Variants in ARID1A observed in about 807,000 individuals in gnomAD.
The protein encoded by ARID1A is AT-rich interactive domain-containing protein 1A.
A neutral mutation model predicts 212.6 loss-of-function variants in ARID1A; 20 were observed. The ratio of observed to expected loss-of-function variants is 0.09; its 90% CI spans 0.07 to 0.14. The LOEUF (loss-of-function observed/expected upper bound fraction) is 0.14. ARID1A is among the 10% of genes least tolerant of loss of function. The pLI, the probability that ARID1A is intolerant of heterozygous loss-of-function variation, is 1.00. For missense variants in ARID1A, 2,587 were observed against 3,059.0 expected (o/e 0.85, Z 3.64); for synonymous variants, 1,376 against 1,222.1 (o/e 1.13, Z -2.63).
intron 1 of ARID1A, among the ~76,000 whole-genome samples, chr1:26,715,470 C>T (rs140484697): frequency 6.6e-6 from 1 of 152,294 alleles, no homozygotes; most frequent in East Asian, 1.9e-4. Flanking sequence ...CTAGTAGAAG[C>T]ACCAGAGGAT....
chr1:26,698,825 C>G (rs1028863866), intron 1 of ARID1A, among the ~76,000 whole-genome samples: 10 of 151,938 alleles, frequency 6.6e-5, no homozygotes, highest in African/African-American at 2.2e-4. Context: ...TTATGGGGGG[C>G]CAGAAAACAG....
At chr1:26,714,475 G>A (rs1167550666) in intron 1 of ARID1A, among the ~76,000 whole-genome samples, 1 of 152,014 alleles carries the variant, frequency 6.6e-6, no homozygotes, top group Non-Finnish European at 1.5e-5. Context: ...GTGTAGTGGC[G>A]CAATCTCGGC....
At chr1:26,729,542 T>C (rs901361676) in intron 1 of ARID1A, 109 bp from the exon 2 acceptor site, 1 of 1,273,180 alleles carries the variant, frequency 7.9e-7, no homozygotes, top group African/African-American at 1.5e-5. Flanking sequence ...TCAAAGTAAC[T>C]GTATTTCTTT....
At chr1:26,776,060 G>A (rs928981139) in intron 19 of ARID1A, 10 of 372,168 alleles carry the variant, frequency 2.7e-5, no homozygotes, top group African/African-American at 4.2e-5. Flanking sequence ...CTATGTTGCC[G>A]AGGTTCATGA....
chr1:26,779,528 C>G lies in ARID1A; in HGVS notation c.5630C>G (p.Ala1877Gly), dbSNP rs2124141130. The G allele has an allele frequency of 6.2e-7, 1 of 1,614,132 alleles. No homozygotes were observed. The highest frequency in any genetic ancestry group is 8.5e-7 in the Non-Finnish European group (1 of 1,180,032). ...PSRPHAPCPP[A>G]PRKHVTTAEG... Reference sequence around the variant, plus strand: ...CGGCCTCACGCACCCTGCCCACCAGCCCCTCGGAAGCATGTGACAACAGCA... The same window carrying G: ...CGGCCTCACGCACCCTGCCCACCAGGCCCTCGGAAGCATGTGACAACAGCA... Residue 1877 changes from alanine (A) to glycine (G), a missense_variant, in exon 20 of 20, where the codon GCC becomes GGC. By Grantham distance (60) the Ala-to-Gly change is moderately conservative (BLOSUM62 0). This residue lies in a region of ARID1A where 890 missense variants were observed against 1,098.2 expected (regional missense o/e 0.81). Transcript: ENST00000324856.
chr1:26,737,289 G>C (rs1427485515), intron 4 of ARID1A, among the ~76,000 whole-genome samples: 2 of 151,926 alleles, frequency 1.3e-5, no homozygotes, highest in Admixed American at 6.6e-5. Context: ...GCTAATTTTT[G>C]GACTTTTTAG....
At position 26,781,785 on chromosome 1, in the gene ARID1A, T is replaced by TC. The variant is rs2124157147; in HGVS notation, c.*1030dup. ...CCCTCTTGGTGCGATGCTGTACAGG[T>TC]CTCTGTAAAAAGTCCTTGCTGTCTC... On this transcript the variant is annotated 3_prime_UTR_variant, in exon 20 of 20. Transcript: ENST00000324856. The TC allele has an allele frequency of 4.3e-6, 1 of 233,732 alleles. No homozygotes were observed. Among genetic ancestry groups the TC allele is most frequent in the South Asian group, 1.8e-4 (1 of 5,534 alleles). The allele number at this position is 233,732 out of a possible 1,614,324, so 14.5% of individuals were successfully genotyped here.
Position 26,697,044 on chromosome 1 carries a change from CCTA to C in ARID1A, c.646_648del (p.Tyr216del). On this transcript the variant is annotated inframe_deletion, in exon 1 of 20. Coordinates refer to ENST00000324856, the MANE Select transcript of ARID1A (RefSeq NM_006015.6). ...GGCTTCCCCAACCACCAGTACAACT[CCTA>C]CTACCCCAACCGCAGCGCCTACCCC... is the stretch of plus-strand genomic sequence containing the variant. The C allele has an allele frequency of 6.5e-7, 1 of 1,536,680 alleles. No homozygotes were observed. Among genetic ancestry groups the C allele is most frequent in the Non-Finnish European group, 8.7e-7 (1 of 1,145,568 alleles).
rs749210946 is a variant in ARID1A at position 26,766,416 on chromosome 1, G to A, written c.2879-41G>A. On this transcript the variant is annotated intron_variant, in intron 9 of 19. Coordinates refer to ENST00000324856, the MANE Select transcript of ARID1A (RefSeq NM_006015.6). ...GGATTTCTTCAAGAGTCACATCACA[G>A]CTAAACTTACTGGACTTGAGAATTT... 5.6e-6 allele frequency: 9 copies of A among 1,613,958 alleles called. No homozygotes were observed. The Admixed American group carries it at 1.3e-4, about 24-fold the overall frequency.
chr1:26,748,748 G>T (rs2080859454), intron 4 of ARID1A, among the ~76,000 whole-genome samples: 1 of 151,916 alleles, frequency 6.6e-6, no homozygotes, highest in Admixed American at 6.6e-5. Context: ...GGTCGGGCAG[G>T]TAACATGGTA....
chr1:26,743,285 C>T (rs928447128), intron 4 of ARID1A, among the ~76,000 whole-genome samples: 3 of 152,188 alleles, frequency 2.0e-5, no homozygotes, highest in African/African-American at 4.8e-5. Flanking sequence ...CAAACTTCTA[C>T]TTTGGCTTCA....
chr1:26,720,397 C>T (rs1193681874), intron 1 of ARID1A, among the ~76,000 whole-genome samples: 2 of 151,244 alleles, frequency 1.3e-5, no homozygotes, highest in East Asian at 3.9e-4. Flanking sequence ...CACATGAAAC[C>T]GGGAGGTGGA....
At chr1:26,742,403 TGG>T (rs2080796004) in intron 4 of ARID1A, among the ~76,000 whole-genome samples, 2 of 152,158 alleles carry the variant, frequency 1.3e-5, no homozygotes, top group South Asian at 4.1e-4. Flanking sequence ...GGTTCCTGTG[TGG>T]GATGAGAGCA....
intron 8 of ARID1A, 90 bp downstream of exon 8, chr1:26,763,375 G>T: frequency 7.2e-7 from 1 of 1,389,052 alleles, no homozygotes; most frequent in East Asian, 2.5e-5. Context: ...ACCTAAACCA[G>T]GGGGGGAAAA....
chr1:26,744,294 G>GT (rs2080816294), intron 4 of ARID1A, among the ~76,000 whole-genome samples: 1 of 152,292 alleles, frequency 6.6e-6, no homozygotes, highest in African/African-American at 2.4e-5. Flanking sequence ...CCCATTTCCT[G>GT]TTTCTATTCT....
At chr1:26,699,625 G>A (rs902100219) in intron 1 of ARID1A, among the ~76,000 whole-genome samples, 9 of 152,162 alleles carry the variant, frequency 5.9e-5, no homozygotes, top group African/African-American at 2.2e-4. Context: ...TCTAGTGTCT[G>A]GAGGAAAAGT....
At position 26,762,155 on chromosome 1, in the gene ARID1A, A is replaced by T. The variant is rs1187874538; in HGVS notation, c.2255A>T (p.Tyr752Phe). The part of the protein sequence containing the change: ...NQSSIAQDRG[Y>F]MQRNPQMPQY... The stretch of plus-strand genomic sequence containing the variant: ...TATGGATGCTACCCACAAATAGGTT[A>T]TATGCAGAGGAACCCCCAGATGCCC... The change falls in exon 7 of 20, where the codon TAT (tyrosine) becomes TTT (phenylalanine). Residue 752 changes from tyrosine (Y) to phenylalanine (F), a missense_variant. This residue lies in a region of ARID1A where 674 missense variants were observed against 813.4 expected (regional missense o/e 0.83). Coordinates refer to ENST00000324856, the MANE Select transcript of ARID1A (RefSeq NM_006015.6). 1.9e-6 allele frequency: 3 copies of T among 1,612,876 alleles called. No individual in the cohort carries two copies. The highest frequency in any genetic ancestry group is 1.7e-6 in the Non-Finnish European group (2 of 1,179,418).
intron 1 of ARID1A, among the ~76,000 whole-genome samples, chr1:26,698,502 C>T (rs2080301344): frequency 6.6e-6 from 1 of 152,200 alleles, no homozygotes; most frequent in Non-Finnish European, 1.5e-5. Context: ...AGCAAAGCCT[C>T]AGACAGCCTG....
At chr1:26,708,083 C>T (rs1471554745) in intron 1 of ARID1A, among the ~76,000 whole-genome samples, 2 of 152,014 alleles carry the variant, frequency 1.3e-5, no homozygotes, top group Non-Finnish European at 2.9e-5. Flanking sequence ...TCCATCCCTT[C>T]CACTTAGGGT....
Sources: allele counts gnomAD v4.1 joint callset (sites outside exome capture counted in the v4.1 genomes callset), GRCh38; gene constraint gnomAD v4.1.1; regional missense constraint gnomAD v4.1.1; transcripts MANE v1.5; gene names NCBI Gene and HGNC (gene_info 2026-07-23, HGNC 2026-07-21).